Variants in SCUBE1 observed in about 807,000 individuals in gnomAD.
SCUBE1 encodes signal peptide, CUB domain and EGF like domain containing 1.
Under a neutral mutation model 124.4 loss-of-function variants are expected in SCUBE1, and 59 were observed. The observed-to-expected ratio is 0.47, with a 90% CI of 0.38 to 0.59. SCUBE1 has a LOEUF of 0.59. Among genes scored for constraint, SCUBE1 ranks in the 20% least tolerant of loss-of-function variants. The pLI, the probability that SCUBE1 is intolerant of heterozygous loss-of-function variation, is 0.00. For synonymous variants in SCUBE1, 545 were observed against 550.9 expected, an observed-to-expected ratio of 0.99 and a Z score of 0.15; for missense variants, 1,150 against 1,371.2, an observed-to-expected ratio of 0.84 and a Z score of 2.55.
chr22:43,241,870 T>C (rs1923018719), intron 6 of SCUBE1, among the ~76,000 whole-genome samples: 1 of 152,232 alleles, frequency 6.6e-6, no homozygotes, highest in African/African-American at 2.4e-5. Flanking sequence ...GGACGCTCTC[T>C]GCCAGGCCCT....
intron 3 of SCUBE1, among the ~76,000 whole-genome samples, chr22:43,296,314 C>T (rs932552657): frequency 1.8e-4 from 27 of 152,320 alleles, no homozygotes; most frequent in Middle Eastern, 3.4e-3. Context: ...GCTGAGCCTG[C>T]GTGTAGTGAG....
At chr22:43,228,435 G>A (rs1296170125) in intron 9 of SCUBE1, among the ~76,000 whole-genome samples, 3 of 152,164 alleles carry the variant, frequency 2.0e-5, no homozygotes, top group Non-Finnish European at 4.4e-5. Flanking sequence ...CTAGTTCCAT[G>A]AACTTGACCA....
At position 43,199,397 on chromosome 22, in the gene SCUBE1, G is replaced by A. The variant is rs1157564224; in HGVS notation, c.*4600C>T. ...TTAAGAACGAGCGTGCATGAAAAGG[G>A]GGGCCATTCAGACAGAAAACTACGC... On this transcript the variant is annotated 3_prime_UTR_variant, in exon 22 of 22. Coordinates refer to ENST00000360835, the MANE Select transcript of SCUBE1 (RefSeq NM_173050.5). The A allele has an allele frequency of 6.6e-6, 1 of 151,894 alleles. No homozygotes were observed. The highest frequency in any genetic ancestry group is 2.4e-5 in the African/African-American group (1 of 40,912). The allele number at this position is 151,894 out of a possible 1,614,324, so 9.4% of individuals were successfully genotyped here. A position where few individuals can be genotyped will look rare whatever the true frequency, so the allele number is the denominator to read the frequency against.
At position 43,304,149 on chromosome 22, in the gene SCUBE1, C is replaced by A. The variant is rs538365685; in HGVS notation, c.350-12969G>T. Among the ~76,000 whole-genome samples the A allele has an allele frequency of 2.6e-4, 40 of 152,352 alleles. 1 individual carries two copies. The Middle Eastern group carries it at 0.01, about 39-fold the overall frequency. On this transcript the variant is annotated intron_variant, in intron 3 of 21. Coordinates refer to ENST00000360835, the MANE Select transcript of SCUBE1 (RefSeq NM_173050.5). ...CTGTGAGCTTTTGTTTCTCATGACT[C>A]CCTGAAGACCCCTGTTAACCTGCAT...
At chr22:43,208,697 C>G (rs1163075001) in intron 19 of SCUBE1, among the ~76,000 whole-genome samples, 1 of 152,204 alleles carries the variant, frequency 6.6e-6, no homozygotes, top group Non-Finnish European at 1.5e-5. Flanking sequence ...TCCCTTCTCC[C>G]CGAGAGCAAA....
intron 3 of SCUBE1, among the ~76,000 whole-genome samples, chr22:43,298,435 G>A (rs1328755326): frequency 1.3e-5 from 2 of 152,198 alleles, no homozygotes; most frequent in Non-Finnish European, 2.9e-5. Context: ...GAGATGAGGC[G>A]CATGAATGGT....
chr22:43,210,881 C>T lies in SCUBE1; in HGVS notation c.2383+41G>A, dbSNP rs1288575297. 1 of 1,609,878 alleles carries T rather than the reference C, an allele frequency of 6.2e-7. No homozygotes were observed. Among genetic ancestry groups the T allele is most frequent in the Non-Finnish European group, 8.5e-7 (1 of 1,177,098 alleles). On this transcript the variant is annotated intron_variant, in intron 18 of 21. Coordinates refer to ENST00000360835, the MANE Select transcript of SCUBE1 (RefSeq NM_173050.5). This position sits in a 1 kb window ranked among gnomAD's most constrained non-coding sequence, Gnocchi z 4.5. ...CGCCCCCACAACCTGCCCAGCCCCT[C>T]CCGTGTTCCCAGCTTCCCACGGCAG...
At chr22:43,243,365 G>C (rs903891722) in intron 6 of SCUBE1, among the ~76,000 whole-genome samples, 1 of 152,218 alleles carries the variant, frequency 6.6e-6, no homozygotes, top group Non-Finnish European at 1.5e-5. Flanking sequence ...GCTGGGGCTC[G>C]AAAGCATGTG....
intron 7 of SCUBE1, 66 bp from the exon 8 acceptor site, chr22:43,231,941 G>C: frequency 1.9e-6 from 3 of 1,589,136 alleles, no homozygotes; most frequent in Non-Finnish European, 2.6e-6. Context: ...CCAGCGGGGG[G>C]ACGGCAGGCT....
At chr22:43,207,355 T>C (rs750256574) in intron 21 of SCUBE1, among the ~76,000 whole-genome samples, 179 bp downstream of exon 21, 16 of 152,128 alleles carry the variant, frequency 1.1e-4, no homozygotes, top group Non-Finnish European at 2.2e-4. Context: ...GAGGAACAGA[T>C]GTGCAGGACC....
At chr22:43,323,937 T>A (rs1399634120) in intron 2 of SCUBE1, among the ~76,000 whole-genome samples, 1 of 152,198 alleles carries the variant, frequency 6.6e-6, no homozygotes, top group Non-Finnish European at 1.5e-5. Context: ...TGTAGCACAA[T>A]GACAGAAGGT....
chr22:43,247,954 G>C (rs1923283159), intron 6 of SCUBE1, among the ~76,000 whole-genome samples: 1 of 152,246 alleles, frequency 6.6e-6, no homozygotes, highest in African/African-American at 2.4e-5. Context: ...AGAGGGCACT[G>C]AGGTTGCATC....
intron 10 of SCUBE1, among the ~76,000 whole-genome samples, chr22:43,226,478 T>C (rs73163959): frequency 3.3e-5 from 5 of 152,060 alleles, no homozygotes; most frequent in Admixed American, 6.5e-5. Context: ...TGAGGGCTGG[T>C]GGAGGCCCTG....
chr22:43,211,002 A>G lies in SCUBE1; in HGVS notation c.2303T>C (p.Phe768Ser), dbSNP rs1921524875. 4 of 1,614,016 alleles carry G rather than the reference A, an allele frequency of 2.5e-6. No homozygotes were observed. Among genetic ancestry groups the G allele is most frequent in the Non-Finnish European group, 3.4e-6 (4 of 1,180,032 alleles). ...ACAGGTGATGCAGTGGTTCTGGCCAAACTCGGGCTGGTAGGTGCCGACGGG... is the reference window on the plus strand; with the variant it reads ...ACAGGTGATGCAGTGGTTCTGGCCAGACTCGGGCTGGTAGGTGCCGACGGG... Reference protein sequence around the residue: ...RCPVGTYQPEFGQNHCITCPG... With the variant: ...RCPVGTYQPESGQNHCITCPG... The change falls in exon 18 of 22, where the codon TTT becomes TCT. Residue 768 changes from phenylalanine to serine, a missense_variant. Transcript: ENST00000360835. The surrounding 1 kb of genome is among the most constrained non-coding windows in gnomAD (Gnocchi z 4.5).
At chr22:43,320,269 G>C (rs145649824) in intron 2 of SCUBE1, among the ~76,000 whole-genome samples, 72 of 152,336 alleles carry the variant, frequency 4.7e-4, no homozygotes, top group African/African-American at 1.6e-3. Context: ...ACAGTGAACA[G>C]GCAAGATTCA....
chr22:43,255,641 C>T lies in SCUBE1; in HGVS notation c.727+2578G>A, dbSNP rs1923628965. ...TAATGACAGCCCACTTCCCGCGGCC[C>T]AAGACAGTCAGCCTCTCGGCGTGGC... On this transcript the variant is annotated intron_variant, in intron 6 of 21. Transcript: ENST00000360835. The surrounding 1 kb of genome is among the most constrained non-coding windows in gnomAD (Gnocchi z 4.7). 8 of 1,383,858 alleles carry T rather than the reference C, an allele frequency of 5.8e-6. No homozygotes were observed. In the South Asian group the frequency reaches 9.9e-5, roughly 17 times the overall value. The allele number at this position is 1,383,858 out of a possible 1,614,324, so 85.7% of individuals were successfully genotyped here. A position where few individuals can be genotyped will look rare whatever the true frequency, so the allele number is the denominator to read the frequency against.
At chr22:43,273,539 A>G (rs1169040253) in intron 4 of SCUBE1, among the ~76,000 whole-genome samples, 3 of 146,120 alleles carry the variant, frequency 2.1e-5, no homozygotes, top group Non-Finnish European at 4.5e-5. Flanking sequence ...CCTAATTTAT[A>G]AAGTGGGGAG....
At chr22:43,238,622 C>T in intron 7 of SCUBE1, 1 of 639,236 alleles carries the variant, frequency 1.6e-6, no homozygotes, top group South Asian at 1.8e-5. Flanking sequence ...GCCGTGGGAC[C>T]TGTGTTCTCT....
chr22:43,331,173 A>G (rs1175020273), intron 2 of SCUBE1, among the ~76,000 whole-genome samples: 1 of 152,228 alleles, frequency 6.6e-6, no homozygotes, highest in Non-Finnish European at 1.5e-5. Flanking sequence ...AAACATTTTA[A>G]TAACATGCTC....
Sources: allele counts gnomAD v4.1 joint callset (sites outside exome capture counted in the v4.1 genomes callset), GRCh38; gene constraint gnomAD v4.1.1; non-coding constraint Gnocchi (gnomAD v3.1); transcripts MANE v1.5; gene names NCBI Gene and HGNC (gene_info 2026-07-23, HGNC 2026-07-21).